Variants in P3H2 observed in about 807,000 individuals in gnomAD.
P3H2 encodes the protein leprecan-like 1.
P3H2 carries 80 observed loss-of-function variants against 87.0 expected under a neutral mutation model. The observed-to-expected ratio is 0.92, with a 90% CI of 0.77 to 1.11. The LOEUF (loss-of-function observed/expected upper bound fraction) is 1.11. Ranked by LOEUF, P3H2 falls within the 50% of genes least tolerant of loss-of-function variation. P3H2 has a pLI of 0.00. For missense variants in P3H2, 1,001 were observed against 923.9 expected, an observed-to-expected ratio of 1.08 and a Z score of -1.08; for synonymous variants, 367 against 359.3, an observed-to-expected ratio of 1.02 and a Z score of -0.24.
chr3:189,998,964 C>T (rs577019209), intron 1 of P3H2, among the ~76,000 whole-genome samples: 1 of 152,248 alleles, frequency 6.6e-6, no homozygotes, highest in Non-Finnish European at 1.5e-5. Context: ...AAGACCTCCA[C>T]TGATCTGACA....
intron 1 of P3H2, among the ~76,000 whole-genome samples, chr3:190,084,189 G>A (rs902511636): frequency 7.2e-5 from 11 of 152,146 alleles, no homozygotes; most frequent in African/African-American, 2.4e-4. Context: ...TGCATATAGA[G>A]CAAGAATTTC....
chr3:190,056,480 G>T (rs569674498), intron 1 of P3H2, among the ~76,000 whole-genome samples: 1 of 152,286 alleles, frequency 6.6e-6, no homozygotes, highest in Non-Finnish European at 1.5e-5. Context: ...AAATTAGATT[G>T]TTCTCAAATG....
chr3:190,043,547 T>C (rs1454335622), intron 1 of P3H2, among the ~76,000 whole-genome samples: 3 of 152,218 alleles, frequency 2.0e-5, no homozygotes, highest in Non-Finnish European at 4.4e-5. Context: ...TATTGATCTT[T>C]ATCCCCTCTC....
At chr3:190,113,810 G>A (rs1712163943) in intron 1 of P3H2, among the ~76,000 whole-genome samples, 1 of 152,186 alleles carries the variant, frequency 6.6e-6, no homozygotes, top group African/African-American at 2.4e-5. Context: ...GGGCGCAGTG[G>A]CTCGCGCCTG....
chr3:190,108,607 G>A (rs1308452667), intron 1 of P3H2, among the ~76,000 whole-genome samples: 2 of 151,974 alleles, frequency 1.3e-5, no homozygotes, highest in African/African-American at 2.4e-5. Context: ...TCACATAGGA[G>A]TGCCTCTGTT....
intron 1 of P3H2, among the ~76,000 whole-genome samples, chr3:190,108,498 G>A (rs575034169): frequency 3.3e-5 from 5 of 152,202 alleles, no homozygotes; most frequent in Non-Finnish European, 7.3e-5. Context: ...TGGGCCAGGT[G>A]TGGCCAATCT....
chr3:189,978,511 G>A lies in P3H2; in HGVS notation c.1325-3826C>T, dbSNP rs115765645. ...AAGTAACATGCAAAGATCAAGTGAA[G>A]GAAGAATGTAACATGGAGTCTTCAA... is the stretch of plus-strand genomic sequence containing the variant. On this transcript the variant is annotated intron_variant, in intron 8 of 14. Transcript: ENST00000319332. Among the ~76,000 whole-genome samples the A allele has an allele frequency of 8.0e-3, 1,212 of 152,286 alleles. 18 individuals carry two copies. The highest frequency in any genetic ancestry group is 0.028 in the African/African-American group (1,152 of 41,560).
intron 1 of P3H2, among the ~76,000 whole-genome samples, chr3:190,113,817 C>A (rs1360543064): frequency 1.3e-5 from 2 of 152,144 alleles, no homozygotes; most frequent in African/African-American, 4.8e-5. Flanking sequence ...GTGGCTCGCG[C>A]CTGTAATCCC....
Position 189,957,843 on chromosome 3 carries a change from C to T in P3H2, c.*69G>A. The T allele has an allele frequency of 9.1e-7, 1 of 1,102,764 alleles. No individual in the cohort carries two copies. The highest frequency in any genetic ancestry group is 1.4e-6 in the Non-Finnish European group (1 of 727,496). 68.3% of individuals were successfully genotyped at this position (1,102,764 alleles called of 1,614,324 possible). A position where few individuals can be genotyped will look rare whatever the true frequency, so the allele number is the denominator to read the frequency against. On this transcript the variant is annotated 3_prime_UTR_variant, in exon 15 of 15. Transcript: ENST00000319332. ...TGTTAATTTATACCATGGCTCTGTA[C>T]AAAAATAAAAAGGTTCTCATAAGAT...
rs77312947 is a variant in P3H2, at chr3:190,030,791, G to A, written c.481-35349C>T. Among the ~76,000 whole-genome samples, 1,027 of 152,226 alleles carry A rather than the reference G, an allele frequency of 6.7e-3. 9 individuals are homozygous for A. Among genetic ancestry groups the A allele is most frequent in the African/African-American group, 0.024 (998 of 41,550 alleles). On this transcript the variant is annotated intron_variant, in intron 1 of 14. Transcript: ENST00000319332. The stretch of plus-strand genomic sequence containing the variant: ...TCAGTGGAACAAATTAGCCCCCAAA[G>A]AGATCTTAGACTACAAAAGAACTTA...
chr3:190,043,146 C>CATCT (rs1381159707), intron 1 of P3H2, among the ~76,000 whole-genome samples: 11 of 81,986 alleles, frequency 1.3e-4, no homozygotes, highest in Admixed American at 7.8e-4. Flanking sequence ...ATAATAGAAG[C>CATCT]GTCTGTGTGT....
chr3:190,031,442 AG>A (rs1560370343), intron 1 of P3H2, among the ~76,000 whole-genome samples: 10 of 7,034 alleles, frequency 1.4e-3, no homozygotes, highest in East Asian at 0.011. Flanking sequence ...GTTCGAGACG[AG>A]TCTGGCCAAC....
rs1190183336 is a variant in P3H2 at position 189,959,274 on chromosome 3, C to CT, written c.2035-1271dup. The stretch of plus-strand genomic sequence containing the variant: ...TATTTATTTATTTTTTATTATTATA[C>CT]TTTAAGTTTTAGGGTACATGTGCAC... On this transcript the variant is annotated intron_variant, in intron 14 of 14. Coordinates refer to ENST00000319332, the MANE Select transcript of P3H2 (RefSeq NM_018192.4). Among the ~76,000 whole-genome samples the CT allele has an allele frequency of 2.0e-5, 3 of 149,278 alleles. No homozygotes were observed. The Admixed American group carries it at 2.0e-4, about 10-fold the overall frequency.
intron 1 of P3H2, among the ~76,000 whole-genome samples, chr3:190,013,291 T>C (rs1475034254): frequency 2.0e-5 from 3 of 152,252 alleles, no homozygotes; most frequent in Admixed American, 6.5e-5. Flanking sequence ...CAATTTATTA[T>C]ACCACCAAGT....
At chr3:190,008,055 G>C (rs1371411502) in intron 1 of P3H2, among the ~76,000 whole-genome samples, 1 of 149,522 alleles carries the variant, frequency 6.7e-6, no homozygotes, top group Non-Finnish European at 1.5e-5. Context: ...CCAGAATCCC[G>C]AATGCAGATA....
intron 8 of P3H2, among the ~76,000 whole-genome samples, chr3:189,977,794 T>A (rs1008378212): frequency 6.6e-6 from 1 of 151,932 alleles, no homozygotes; most frequent in South Asian, 2.1e-4. Context: ...GGTCTTGTTA[T>A]TTTTTTATTT....
chr3:189,966,078 G>C (rs1187234866), intron 13 of P3H2, among the ~76,000 whole-genome samples: 2 of 125,402 alleles, frequency 1.6e-5, no homozygotes, highest in Non-Finnish European at 3.3e-5. Context: ...AAGAAGGAAA[G>C]AAAGGAAGAA....
intron 3 of P3H2, among the ~76,000 whole-genome samples, chr3:189,991,567 T>C (rs1284413684): frequency 6.6e-6 from 1 of 152,236 alleles, no homozygotes; most frequent in East Asian, 1.9e-4. Context: ...CCACTCACTC[T>C]TCTTAGGCAC....
At chr3:189,988,885 T>C (rs1386358395) in intron 4 of P3H2, 22 bp downstream of exon 4, 2 of 1,613,848 alleles carry the variant, frequency 1.2e-6, no homozygotes, top group East Asian at 4.5e-5. Context: ...CAAGAAGTCT[T>C]CACGGATGAT....
Sources: gnomAD v4.1 joint callset for allele counts (sites outside exome capture counted in the v4.1 genomes callset) on GRCh38, gnomAD v4.1.1 for gene constraint, MANE v1.5 for transcripts, NCBI Gene and HGNC (gene_info 2026-07-23, HGNC 2026-07-21) for gene names.